DNAAF11: variants seen among roughly 807,000 people sequenced by gnomAD.
DNAAF11 encodes dynein axonemal assembly factor 11, also known as leucine rich repeat containing 6.
Under a neutral mutation model 60.8 loss-of-function variants are expected in DNAAF11, and 45 were observed. The observed-to-expected ratio is 0.74, with a 90% confidence interval of 0.58 to 0.95. DNAAF11 has a LOEUF of 0.95. DNAAF11 is among the 40% of genes least tolerant of loss of function. The pLI is 0.00. For missense variants in DNAAF11, 546 were observed against 546.2 expected (o/e 1.00, Z 0.00); for synonymous variants, 191 against 183.5 (o/e 1.04, Z -0.33).
At chr8:132,639,590 A>G (rs570945225) in intron 3 of DNAAF11, among the ~76,000 whole-genome samples, 1 of 152,304 alleles carries the variant, frequency 6.6e-6, no homozygotes, top group East Asian at 1.9e-4. Context: ...TCTGAAGGCT[A>G]TATAATGGAA....
At chr8:132,606,645 A>T (rs1818164308) in intron 10 of DNAAF11, among the ~76,000 whole-genome samples, 2 of 151,686 alleles carry the variant, frequency 1.3e-5, no homozygotes, top group Admixed American at 6.6e-5. Flanking sequence ...AGCTGGGACT[A>T]GAGGCATGAG....
At chr8:132,598,502 A>G (rs1389639639) in intron 10 of DNAAF11, among the ~76,000 whole-genome samples, 1 of 152,254 alleles carries the variant, frequency 6.6e-6, no homozygotes, top group Non-Finnish European at 1.5e-5. Flanking sequence ...AATTGTAGAT[A>G]TATGAATGTA....
At chr8:132,657,949 T>G (rs3779967) in intron 2 of DNAAF11, among the ~76,000 whole-genome samples, 38,983 of 151,956 alleles carry the variant, frequency 0.26, 6,176 homozygotes, top group African/African-American at 0.45. Flanking sequence ...AAAAGAACAG[T>G]CCTTTCTAAG....
At chr8:132,698,336 C>G in the DNAAF11 span, among the ~76,000 whole-genome samples, 3 of 151,884 alleles carry the variant, frequency 2.0e-5, 1 homozygote, top group South Asian at 6.2e-4. Flanking sequence ...CCACACAGCA[C>G]TACAAGAGAA....
intron 3 of DNAAF11, among the ~76,000 whole-genome samples, chr8:132,642,554 G>A (rs1821961658): frequency 6.6e-6 from 1 of 152,218 alleles, no homozygotes; most frequent in Non-Finnish European, 1.5e-5. Context: ...GGACATGTCA[G>A]AAGCCAGATC....
Position 132,655,955 on chromosome 8 carries a change from C to A in DNAAF11, c.256+875G>T, listed in dbSNP as rs1823522421. Among the ~76,000 whole-genome samples, 8 of 152,284 alleles carry A rather than the reference C, an allele frequency of 5.3e-5. No individual in the cohort carries two copies. In the South Asian group the frequency reaches 8.3e-4, roughly 16 times the overall value. On this transcript the variant is annotated intron_variant, in intron 3 of 11. Transcript: ENST00000620350. ...ATTTTGCAGAACAACTTGGCAGTAT[C>A]TTTCCAAATATGCTGATTTAAATGC... is the stretch of plus-strand genomic sequence containing the variant.
chr8:132,648,740 T>C (rs1484895655), intron 3 of DNAAF11, among the ~76,000 whole-genome samples: 1 of 152,166 alleles, frequency 6.6e-6, no homozygotes, highest in African/African-American at 2.4e-5. Context: ...AGCCAAATCA[T>C]GAGTGAACTC....
intron 8 of DNAAF11, among the ~76,000 whole-genome samples, chr8:132,612,154 A>G (rs1444245681): frequency 6.6e-6 from 1 of 152,136 alleles, no homozygotes; most frequent in Non-Finnish European, 1.5e-5. Context: ...CTGGGACCAC[A>G]TTCCTTAACC....
chr8:132,702,353 A>G, the DNAAF11 span: 1 of 152,218 alleles, frequency 6.6e-6, no homozygotes, highest in Non-Finnish European at 1.5e-5. Flanking sequence ...CTAAGTCTAC[A>G]TATATGTCTA....
At chr8:132,618,297 C>T (rs1260442457) in intron 7 of DNAAF11, among the ~76,000 whole-genome samples, 1 of 126,440 alleles carries the variant, frequency 7.9e-6, no homozygotes, top group Middle Eastern at 3.8e-3. Context: ...AAAATCAATT[C>T]AAGATGGATT....
chr8:132,591,195 T>C (rs1316755961), intron 10 of DNAAF11, among the ~76,000 whole-genome samples: 1 of 152,178 alleles, frequency 6.6e-6, no homozygotes, highest in Non-Finnish European at 1.5e-5. Context: ...CTATTTTCTC[T>C]AGCAGTTTAT....
intron 10 of DNAAF11, among the ~76,000 whole-genome samples, chr8:132,607,443 A>G (rs1818241573): frequency 6.6e-6 from 1 of 152,188 alleles, no homozygotes; most frequent in South Asian, 2.1e-4. Flanking sequence ...CAAGGGGCTG[A>G]GCTGGGAACA....
chr8:132,665,498 C>G (rs2130845915), intron 1 of DNAAF11, among the ~76,000 whole-genome samples: 1 of 151,844 alleles, frequency 6.6e-6, no homozygotes, highest in South Asian at 2.1e-4. Context: ...AAAAAAAAAG[C>G]TCCACATCAC....
chr8:132,635,608 T>C (rs1042425954), intron 4 of DNAAF11, among the ~76,000 whole-genome samples: 3 of 152,226 alleles, frequency 2.0e-5, no homozygotes, highest in South Asian at 2.1e-4. Context: ...CTCTGTTGTT[T>C]TGGGTTGAAT....
the DNAAF11 span, among the ~76,000 whole-genome samples, chr8:132,680,876 A>G: frequency 2.0e-5 from 3 of 151,848 alleles, no homozygotes. Flanking sequence ...TAAAACCCTT[A>G]GAAGAGTATT....
At chr8:132,694,422 G>C in the DNAAF11 span, among the ~76,000 whole-genome samples, 2 of 152,092 alleles carry the variant, frequency 1.3e-5, no homozygotes. Context: ...GGAGAAGATG[G>C]CCATCCACAA....
intron 10 of DNAAF11, among the ~76,000 whole-genome samples, chr8:132,589,963 A>C (rs1305970272): frequency 6.6e-6 from 1 of 152,204 alleles, no homozygotes; most frequent in African/African-American, 2.4e-5. Context: ...ACATTAATAA[A>C]TGATTTTTAC....
At chr8:132,644,450 C>G (rs1424185383) in intron 3 of DNAAF11, among the ~76,000 whole-genome samples, 1 of 152,156 alleles carries the variant, frequency 6.6e-6, no homozygotes, top group Non-Finnish European at 1.5e-5. Context: ...TTCTGCATTT[C>G]CAACTGAGGT....
Position 132,625,474 on chromosome 8 carries a change from C to A in DNAAF11, c.654-20G>T. The A allele has an allele frequency of 6.4e-7, 1 of 1,562,550 alleles. No homozygotes were observed. Among genetic ancestry groups the A allele is most frequent in the South Asian group, 1.2e-5 (1 of 82,984 alleles). ...GAGGAACTAGGAAAAACAAATAGAG[C>A]ACTTAAAAACAATAATGGATTCATG... On this transcript the variant is annotated intron_variant, in intron 5 of 11. Transcript: ENST00000620350.
Sources: gnomAD v4.1 joint callset for allele counts (sites outside exome capture counted in the v4.1 genomes callset) on GRCh38, gnomAD v4.1.1 for gene constraint, MANE v1.5 for transcripts, NCBI Gene and HGNC (gene_info 2026-07-23, HGNC 2026-07-21) for gene names.